Variants in FAM174A observed in about 807,000 individuals in gnomAD.
The protein encoded by FAM174A is family with sequence similarity 174 member A, also known as membrane protein FAM174A.
Under a neutral mutation model 14.3 loss-of-function variants are expected in FAM174A, and 14 were observed. The ratio of observed to expected loss-of-function variants is 0.98; its 90% CI spans 0.65 to 1.53. FAM174A has a LOEUF of 1.53. FAM174A is among the 40% of genes most tolerant of loss of function. The pLI is 0.00. For missense variants in FAM174A, 241 were observed against 249.6 expected (o/e 0.97, Z 0.23); for synonymous variants, 108 against 111.4 (o/e 0.97, Z 0.19).
At chr5:100,563,168 C>G (rs950494117) in intron 2 of FAM174A, among the ~76,000 whole-genome samples, 4 of 151,732 alleles carry the variant, frequency 2.6e-5, no homozygotes, top group African/African-American at 7.3e-5. Flanking sequence ...TCATTTAATA[C>G]AAATATGTTC....
intron 1 of FAM174A, 53 bp downstream of exon 1, chr5:100,536,017 G>C (rs770197899): frequency 4.2e-5 from 62 of 1,471,696 alleles, no homozygotes; most frequent in Non-Finnish European, 5.6e-5. Flanking sequence ...ACGCAGGCCG[G>C]TGATCTCCAG....
intron 1 of FAM174A, among the ~76,000 whole-genome samples, chr5:100,557,166 T>C (rs976706915): frequency 5.9e-5 from 9 of 152,218 alleles, no homozygotes; most frequent in African/African-American, 1.9e-4. Flanking sequence ...TTGTTGAATT[T>C]TGTCAAAGGC....
chr5:100,578,012 A>C (rs549400748), intron 2 of FAM174A, among the ~76,000 whole-genome samples: 2 of 152,148 alleles, frequency 1.3e-5, no homozygotes, highest in Admixed American at 1.3e-4. Context: ...AGGATACAGC[A>C]TAGCGCATAC....
chr5:100,563,035 A>T (rs1329577138), intron 2 of FAM174A, among the ~76,000 whole-genome samples: 2 of 151,812 alleles, frequency 1.3e-5, no homozygotes, highest in African/African-American at 4.8e-5. Flanking sequence ...ACTCAACAAA[A>T]ATTGGACTAC....
chr5:100,545,681 C>T (rs1206113037), intron 1 of FAM174A, among the ~76,000 whole-genome samples: 1 of 152,176 alleles, frequency 6.6e-6, no homozygotes, highest in South Asian at 2.1e-4. Flanking sequence ...AATTAATTTA[C>T]ATACATATGA....
chr5:100,558,111 G>T (rs1402377590), intron 1 of FAM174A, among the ~76,000 whole-genome samples: 2 of 152,288 alleles, frequency 1.3e-5, no homozygotes, highest in Non-Finnish European at 1.5e-5. Flanking sequence ...TGCTTTGAAT[G>T]TGTCCCAGAG....
chr5:100,565,302 A>G (rs1334283266), intron 2 of FAM174A, among the ~76,000 whole-genome samples: 5 of 151,924 alleles, frequency 3.3e-5, no homozygotes, highest in African/African-American at 9.7e-5. Flanking sequence ...TGACAGTGCT[A>G]TCCACATAGA....
intron 1 of FAM174A, 89 bp from the exon 2 acceptor site, chr5:100,561,965 C>T: frequency 1.3e-6 from 1 of 752,120 alleles, no homozygotes; most frequent in East Asian, 3.4e-5. Context: ...TTTGCTATGT[C>T]AGAAACAGAA....
chr5:100,568,797 A>G (rs1026335602), intron 2 of FAM174A, among the ~76,000 whole-genome samples: 16 of 151,946 alleles, frequency 1.1e-4, no homozygotes, highest in Admixed American at 6.6e-5. Context: ...CTAAGGATAT[A>G]TAGTCAGATA....
intron 1 of FAM174A, among the ~76,000 whole-genome samples, chr5:100,558,944 G>T (rs983360978): frequency 2.0e-5 from 3 of 152,056 alleles, no homozygotes; most frequent in African/African-American, 7.2e-5. Flanking sequence ...TACATTTAAG[G>T]TTAATATTGT....
intron 2 of FAM174A, among the ~76,000 whole-genome samples, chr5:100,563,678 A>C (rs752214656): frequency 7.2e-5 from 11 of 151,916 alleles, no homozygotes; most frequent in Non-Finnish European, 1.5e-4. Context: ...ACCCAACAGC[A>C]GAAGAATTCA....
At chr5:100,562,401 A>T (rs1746544766) in intron 2 of FAM174A, among the ~76,000 whole-genome samples, 2 of 151,696 alleles carry the variant, frequency 1.3e-5, no homozygotes, top group African/African-American at 2.4e-5. Flanking sequence ...ATCTCAAAAT[A>T]TTTTTTTTAA....
At chr5:100,560,022 C>T (rs2112383846) in intron 1 of FAM174A, among the ~76,000 whole-genome samples, 1 of 152,206 alleles carries the variant, frequency 6.6e-6, no homozygotes, top group South Asian at 2.1e-4. Flanking sequence ...AGGAGAGGCA[C>T]TCTGATTTTT....
intron 2 of FAM174A, among the ~76,000 whole-genome samples, chr5:100,583,749 C>T (rs1436473450): frequency 2.0e-5 from 3 of 152,078 alleles, no homozygotes. Flanking sequence ...TCCAGCAGAA[C>T]TTACTGTTTT....
chr5:100,583,734 T>C (rs1270730214), intron 2 of FAM174A, among the ~76,000 whole-genome samples: 2 of 152,146 alleles, frequency 1.3e-5, no homozygotes, highest in Non-Finnish European at 2.9e-5. Flanking sequence ...CTTGAAACAG[T>C]TTCCTCCAGC....
intron 1 of FAM174A, among the ~76,000 whole-genome samples, chr5:100,545,722 A>G (rs1746152564): frequency 6.6e-6 from 1 of 152,154 alleles, no homozygotes; most frequent in African/African-American, 2.4e-5. Flanking sequence ...GCATGCCTTT[A>G]TTCCTCTAGT....
At chr5:100,537,783 T>A (rs1437211977) in intron 1 of FAM174A, among the ~76,000 whole-genome samples, 6 of 152,186 alleles carry the variant, frequency 3.9e-5, no homozygotes. Flanking sequence ...CTGTACATAG[T>A]TCCTATAAAA....
chr5:100,586,243 G>A lies in FAM174A; in HGVS notation c.*59G>A. On this transcript the variant is annotated 3_prime_UTR_variant, in exon 3 of 3. Transcript: ENST00000312637. ...CTACAATGAAGAGTGGAATTTCTAT[G>A]TTTAAGGAATAAGAAGCCACTATAT... 7.9e-7 allele frequency: 1 copy of A among 1,266,860 alleles called. No homozygotes were observed. Among genetic ancestry groups the A allele is most frequent in the Admixed American group, 2.2e-5 (1 of 45,318 alleles). 78.5% of individuals were successfully genotyped at this position (1,266,860 alleles called of 1,614,324 possible).
At position 100,557,364 on chromosome 5, in the gene FAM174A, T is replaced by C. The variant is rs569611839; in HGVS notation, c.435-4690T>C. On this transcript the variant is annotated intron_variant, in intron 1 of 2. Transcript: ENST00000312637. Reference sequence around the variant, plus strand: ...AGTATTTTATTGAGGATTTTTGCATTGATGTTCATCAGGGATATTGGTCTA... The same window carrying C: ...AGTATTTTATTGAGGATTTTTGCATCGATGTTCATCAGGGATATTGGTCTA... Among the ~76,000 whole-genome samples, 14 of 152,272 alleles carry C rather than the reference T, an allele frequency of 9.2e-5. No homozygotes were observed. In the South Asian group the frequency reaches 2.5e-3, roughly 27 times the overall value.
Sources: allele counts gnomAD v4.1 joint callset (sites outside exome capture counted in the v4.1 genomes callset), GRCh38; gene constraint gnomAD v4.1.1; transcripts MANE v1.5; gene names NCBI Gene and HGNC (gene_info 2026-07-23, HGNC 2026-07-21).